Variants in PDZD2 observed in about 807,000 individuals in gnomAD.
PDZD2 encodes PDZ domain containing 2, also known as PDZ domain-containing protein 2.
A neutral mutation model predicts 220.7 loss-of-function variants in PDZD2; 90 were observed. That is an observed-to-expected ratio of 0.41 (90% CI 0.34 to 0.49). The LOEUF is 0.49. Ranked by LOEUF, PDZD2 falls within the 20% of genes least tolerant of loss-of-function variation. The pLI is 0.28. For synonymous variants in PDZD2, 1,375 were observed against 1,450.5 expected (o/e 0.95, Z 1.18); for missense variants, 3,174 against 3,608.5 (o/e 0.88, Z 3.08).
intron 1 of PDZD2, among the ~76,000 whole-genome samples, chr5:31,740,557 A>AAAAAAC: frequency 7.1e-6 from 1 of 141,060 alleles, no homozygotes; most frequent in Admixed American, 7.3e-5. Context: ...AAAAAAAAAA[A>AAAAAAC]ATCTGCTGTT....
chr5:31,850,086 G>GTATATATACGTGTATATATAAT, intron 2 of PDZD2, among the ~76,000 whole-genome samples: 1 of 134,244 alleles, frequency 7.4e-6, no homozygotes, highest in Non-Finnish European at 1.6e-5. Context: ...GTATATATAA[G>GTATATATACGTGTATATATAAT]TATATATACG....
Position 31,838,662 on chromosome 5 carries a change from A to G in PDZD2, c.476+38938A>G, listed in dbSNP as rs185791118. On this transcript the variant is annotated intron_variant, in intron 2 of 24. Coordinates refer to ENST00000438447, the MANE Select transcript of PDZD2 (RefSeq NM_178140.4). ...TCATCGTTATTTTCTTCACAAGGCC[A>G]TGGTTTTCAGTGGTAGTTTTTCATT... 2.6e-5 allele frequency among the ~76,000 whole-genome samples: 4 copies of G among 152,310 alleles called. No homozygotes were observed. The East Asian group carries it at 5.8e-4, about 22-fold the overall frequency.
intron 1 of PDZD2, among the ~76,000 whole-genome samples, chr5:31,723,196 G>A (rs1748906912): frequency 6.6e-6 from 1 of 152,180 alleles, no homozygotes; most frequent in Non-Finnish European, 1.5e-5. Flanking sequence ...AAAAACCATT[G>A]TTTTGTTCTT....
intron 1 of PDZD2, among the ~76,000 whole-genome samples, chr5:31,776,155 C>A (rs1055874881): frequency 2.6e-5 from 4 of 152,170 alleles, no homozygotes; most frequent in African/African-American, 4.8e-5. Flanking sequence ...ACTGGCGGAG[C>A]CCCTAGGTCT....
chr5:31,949,097 CAAAAA>C (rs34780210), intron 2 of PDZD2, among the ~76,000 whole-genome samples: 7 of 54,990 alleles, frequency 1.3e-4, no homozygotes, highest in South Asian at 1.0e-3. Context: ...GACTCTGTCT[CAAAAA>C]AAAAAAAAAA....
intron 24 of PDZD2, chr5:32,106,512 T>C (rs1039367507): frequency 6.6e-6 from 1 of 152,222 alleles, no homozygotes; most frequent in African/African-American, 2.4e-5. Flanking sequence ...CCTAGTAAGA[T>C]AACAAGACAG....
chr5:32,098,294 T>A lies in PDZD2; in HGVS notation c.7948-70T>A, dbSNP rs538393366. On this transcript the variant is annotated intron_variant, in intron 22 of 24. Transcript: ENST00000438447. The surrounding 1 kb of genome is among the most constrained non-coding windows in gnomAD (Gnocchi z 4.1). ...CCTTTACTACAGATACGCAGTTAGT[T>A]ACTATCTCCCTTTTACCGGAAATCG... The A allele has an allele frequency of 1.4e-6, 2 of 1,464,006 alleles. No individual in the cohort carries two copies. The highest frequency in any genetic ancestry group is 2.8e-5 in the African/African-American group (2 of 70,918). 90.7% of individuals were successfully genotyped at this position (1,464,006 alleles called of 1,614,324 possible).
At chr5:32,051,788 G>A (rs553566659) in intron 8 of PDZD2, among the ~76,000 whole-genome samples, 10 of 152,318 alleles carry the variant, frequency 6.6e-5, no homozygotes, top group South Asian at 4.1e-4. Flanking sequence ...AGCTGCTGCC[G>A]TCTCTCAGCG....
At chr5:31,937,567 G>A (rs148583798) in intron 2 of PDZD2, among the ~76,000 whole-genome samples, 4 of 152,328 alleles carry the variant, frequency 2.6e-5, no homozygotes, top group African/African-American at 9.6e-5. Context: ...GTCCTGGAGG[G>A]CTGGGGGATG....
chr5:31,669,401 CAAAAAAA>C (rs34910299), intron 1 of PDZD2, among the ~76,000 whole-genome samples: 22 of 109,620 alleles, frequency 2.0e-4, no homozygotes, highest in East Asian at 1.2e-3. Flanking sequence ...GACCCTGTCT[CAAAAAAA>C]AAAAAAAAAA....
At chr5:31,652,417 A>G (rs892535578) in intron 1 of PDZD2, among the ~76,000 whole-genome samples, 1 of 152,226 alleles carries the variant, frequency 6.6e-6, no homozygotes, top group African/African-American at 2.4e-5. Context: ...CCATAAAGCC[A>G]CTGGAAACTA....
At chr5:31,879,768 G>GT (rs1392700439) in intron 2 of PDZD2, among the ~76,000 whole-genome samples, 2 of 151,372 alleles carry the variant, frequency 1.3e-5, no homozygotes, top group South Asian at 2.1e-4. Context: ...TATCTTCAGG[G>GT]TCTTTGTTAG....
At chr5:31,907,755 A>G (rs77242333) in intron 2 of PDZD2, among the ~76,000 whole-genome samples, 2,473 of 152,260 alleles carry the variant, frequency 0.016, 66 homozygotes, top group African/African-American at 0.058. Flanking sequence ...GTGAAGGCAT[A>G]AGAAAAGGAT....
intron 2 of PDZD2, among the ~76,000 whole-genome samples, chr5:31,804,085 A>G (rs1405399502): frequency 6.6e-6 from 1 of 152,114 alleles, no homozygotes; most frequent in Non-Finnish European, 1.5e-5. Context: ...CATATAATGA[A>G]AACGCTGGGC....
intron 1 of PDZD2, among the ~76,000 whole-genome samples, chr5:31,775,545 T>A (rs1290657196): frequency 1.3e-5 from 2 of 151,964 alleles, no homozygotes; most frequent in Admixed American, 6.6e-5. Context: ...CTGATGAGAG[T>A]AGGGCTGCAA....
intron 2 of PDZD2, among the ~76,000 whole-genome samples, chr5:31,923,794 G>T (rs1272272909): frequency 6.6e-6 from 1 of 152,200 alleles, no homozygotes; most frequent in Non-Finnish European, 1.5e-5. Flanking sequence ...TTTGTTGAAT[G>T]CACACTCTGT....
chr5:31,706,381 G>A (rs1054185435), intron 1 of PDZD2, among the ~76,000 whole-genome samples: 4 of 152,058 alleles, frequency 2.6e-5, no homozygotes, highest in Non-Finnish European at 5.9e-5. Flanking sequence ...TGGGAGAGAT[G>A]GGGATCTATT....
chr5:32,048,865 G>C (rs967469678), intron 8 of PDZD2, among the ~76,000 whole-genome samples, 181 bp downstream of exon 8: 4 of 152,092 alleles, frequency 2.6e-5, no homozygotes, highest in Non-Finnish European at 5.9e-5. Context: ...TGAAAATAGT[G>C]GGGGGAAAAT....
intron 21 of PDZD2, among the ~76,000 whole-genome samples, chr5:32,093,623 T>C (rs1214563865): frequency 3.3e-5 from 5 of 152,226 alleles, no homozygotes; most frequent in Admixed American, 2.0e-4. Flanking sequence ...TTGTCAGTTA[T>C]ATGTATTATA....
Sources: gnomAD v4.1 joint callset for allele counts (sites outside exome capture counted in the v4.1 genomes callset) on GRCh38, gnomAD v4.1.1 for gene constraint, Gnocchi (gnomAD v3.1) non-coding constraint, MANE v1.5 for transcripts, NCBI Gene and HGNC (gene_info 2026-07-23, HGNC 2026-07-21) for gene names.